MAPKAPK2: variants seen among roughly 807,000 people sequenced by gnomAD.
MAPKAPK2 encodes MAP kinase-activated protein kinase 2.
In MAPKAPK2, 9 loss-of-function variants were observed where a neutral mutation model predicts 48.8. That is an observed-to-expected ratio of 0.18 (90% CI 0.11 to 0.32). The LOEUF is 0.32. Ranked by LOEUF, MAPKAPK2 falls within the 10% of genes least tolerant of loss-of-function variation. MAPKAPK2 has a pLI of 1.00. For missense variants in MAPKAPK2, 331 were observed against 498.3 expected (o/e 0.66, Z 3.20); for synonymous variants, 202 against 190.6 (o/e 1.06, Z -0.49).
At chr1:206,694,916 GA>G (rs1672568346) in intron 1 of MAPKAPK2, among the ~76,000 whole-genome samples, 1 of 152,216 alleles carries the variant, frequency 6.6e-6, no homozygotes, top group African/African-American at 2.4e-5. Flanking sequence ...ACCTGCCCTG[GA>G]AACACTTGCG....
rs368883693 is a variant in MAPKAPK2 at position 206,722,924 on chromosome 1, G to A, written c.280-5786G>A. ...GTGGGTGGCCCTGGCCTGGAGGCAC[G>A]GTGGGTTAGTGTGTGACACACGTGG... is the stretch of plus-strand genomic sequence containing the variant. On this transcript the variant is annotated intron_variant, in intron 1 of 9. Transcript: ENST00000367103. 4.2e-4 allele frequency among the ~76,000 whole-genome samples: 64 copies of A among 152,378 alleles called. 1 individual carries two copies. In the South Asian group the frequency reaches 0.013, roughly 30 times the overall value.
intron 1 of MAPKAPK2, among the ~76,000 whole-genome samples, chr1:206,703,189 A>G (rs982093646): frequency 6.6e-6 from 1 of 152,236 alleles, no homozygotes. Flanking sequence ...TTAGCAGCTG[A>G]TAATTAACAG....
At chr1:206,730,856 C>G in intron 6 of MAPKAPK2, 93 bp downstream of exon 6, 1 of 1,377,700 alleles carries the variant, frequency 7.3e-7, no homozygotes, top group Non-Finnish European at 1.0e-6. Flanking sequence ...GTTAGCATTC[C>G]CCTTTGTACA....
intron 1 of MAPKAPK2, among the ~76,000 whole-genome samples, chr1:206,698,738 T>G (rs1192305937): frequency 1.3e-5 from 2 of 152,230 alleles, no homozygotes; most frequent in Non-Finnish European, 2.9e-5. Context: ...GAATAATTCC[T>G]TAGCAATTAT....
chr1:206,713,226 G>A (rs1051714135), intron 1 of MAPKAPK2, among the ~76,000 whole-genome samples: 2 of 152,136 alleles, frequency 1.3e-5, no homozygotes, highest in African/African-American at 4.8e-5. Context: ...AGAGTCTGTG[G>A]GCACAGAGAG....
intron 1 of MAPKAPK2, among the ~76,000 whole-genome samples, chr1:206,710,156 C>T (rs537257967): frequency 3.3e-5 from 5 of 152,300 alleles, no homozygotes; most frequent in Admixed American, 6.5e-5. Context: ...CATCAGTCCT[C>T]GAAGAATTTG....
chr1:206,700,844 C>T (rs1264125499), intron 1 of MAPKAPK2, among the ~76,000 whole-genome samples: 5 of 152,182 alleles, frequency 3.3e-5, no homozygotes, highest in South Asian at 2.1e-4. Flanking sequence ...TGTAGGTCAT[C>T]CCTGAGAACG....
intron 2 of MAPKAPK2, 23 bp downstream of exon 2, chr1:206,728,872 C>A: frequency 6.2e-7 from 1 of 1,613,026 alleles, no homozygotes; most frequent in South Asian, 1.1e-5. Flanking sequence ...TGTTCTAGTC[C>A]CGGCCCAGCC....
Position 206,732,392 on chromosome 1 carries a change from C to T in MAPKAPK2, c.1060-183C>T, listed in dbSNP as rs116286581. 836 of 1,453,682 alleles carry T rather than the reference C, an allele frequency of 5.8e-4. 1 individual carries two copies. In the African/African-American group the frequency reaches 0.011, roughly 19 times the overall value. 90.0% of individuals were successfully genotyped at this position (1,453,682 alleles called of 1,614,324 possible). The stretch of plus-strand genomic sequence containing the variant: ...CATAGCCAGGCTCTCTGCTGCCCAG[C>T]GCTGGGGTGAGGCTGCCGTTGTCAG... On this transcript the variant is annotated intron_variant, in intron 9 of 9. Transcript: ENST00000367103. The surrounding 1 kb of genome is among the most constrained non-coding windows in gnomAD (Gnocchi z 4.4).
chr1:206,706,329 G>C lies in MAPKAPK2; in HGVS notation c.279+20821G>C, dbSNP rs143327100. On this transcript the variant is annotated intron_variant, in intron 1 of 9. Coordinates refer to ENST00000367103, the MANE Select transcript of MAPKAPK2 (RefSeq NM_032960.4). The stretch of plus-strand genomic sequence containing the variant: ...GAGACCCAGAGTCACTCAGATGGGG[G>C]AGGAGCAAAGCCAGTCCCTCTGATC... 3.0e-3 allele frequency among the ~76,000 whole-genome samples: 452 copies of C among 152,152 alleles called. 4 individuals are homozygous for C. The highest frequency in any genetic ancestry group is 0.01 in the African/African-American group (426 of 41,502).
intron 1 of MAPKAPK2, among the ~76,000 whole-genome samples, chr1:206,692,456 C>G (rs928348603): frequency 6.6e-6 from 1 of 152,208 alleles, no homozygotes; most frequent in Non-Finnish European, 1.5e-5. Flanking sequence ...CCTGCCCATG[C>G]AAGGCTAGAG....
intron 1 of MAPKAPK2, among the ~76,000 whole-genome samples, chr1:206,727,169 T>G (rs1347874491): frequency 1.3e-5 from 2 of 152,208 alleles, no homozygotes; most frequent in African/African-American, 4.8e-5. Context: ...CTTGTCTTAA[T>G]TATTTTGGCA....
chr1:206,692,728 G>T (rs1329600135), intron 1 of MAPKAPK2, among the ~76,000 whole-genome samples: 2 of 152,168 alleles, frequency 1.3e-5, no homozygotes, highest in African/African-American at 4.8e-5. Flanking sequence ...CGCTCATTCT[G>T]CTGGGAACCT....
intron 1 of MAPKAPK2, among the ~76,000 whole-genome samples, chr1:206,724,094 G>A (rs782323832): frequency 8.5e-5 from 13 of 152,218 alleles, no homozygotes; most frequent in Non-Finnish European, 1.5e-4. Context: ...TGGCTTTTTA[G>A]TGGGAAGACC....
rs1471242337 is a variant in MAPKAPK2, at chr1:206,685,217, G to A, written c.-13G>A. On this transcript the variant is annotated 5_prime_UTR_variant, in exon 1 of 10. Coordinates refer to ENST00000367103, the MANE Select transcript of MAPKAPK2 (RefSeq NM_032960.4). The stretch of plus-strand genomic sequence containing the variant: ...CGGGCACCCCCGCCTGTGCCCCGGC[G>A]TCCCCGGGCACCATGCTGTCCAACT... The A allele has an allele frequency of 5.1e-6, 2 of 390,462 alleles. No individual in the cohort carries two copies. Among genetic ancestry groups the A allele is most frequent in the African/African-American group, 2.2e-5 (1 of 45,296 alleles). The allele number at this position is 390,462 out of a possible 1,614,324, so 24.2% of individuals were successfully genotyped here.
intron 1 of MAPKAPK2, among the ~76,000 whole-genome samples, chr1:206,691,482 G>GATACATATATATATATAT (rs371759587): frequency 1.3e-5 from 1 of 77,294 alleles, no homozygotes; most frequent in Admixed American, 1.3e-4. Flanking sequence ...TGTATTTTAA[G>GATACATATATATATATAT]ATATATATAT....
At chr1:206,717,689 CT>C in intron 1 of MAPKAPK2, among the ~76,000 whole-genome samples, 1 of 152,224 alleles carries the variant, frequency 6.6e-6, no homozygotes, top group Non-Finnish European at 1.5e-5. Flanking sequence ...TCTCCTGCCT[CT>C]AGCAGGAAGG....
intron 1 of MAPKAPK2, among the ~76,000 whole-genome samples, chr1:206,723,038 G>T (rs1673582334): frequency 6.6e-6 from 1 of 152,216 alleles, no homozygotes; most frequent in African/African-American, 2.4e-5. Context: ...CAACACACTT[G>T]GTGCCAGAAT....
intron 1 of MAPKAPK2, among the ~76,000 whole-genome samples, chr1:206,692,240 A>G (rs1391496948): frequency 1.3e-5 from 2 of 152,186 alleles, no homozygotes; most frequent in East Asian, 1.9e-4. Context: ...AGTGCCTTCT[A>G]ATTCACCAAA....
Sources: gnomAD v4.1 joint callset for allele counts (sites outside exome capture counted in the v4.1 genomes callset) on GRCh38, gnomAD v4.1.1 for gene constraint, Gnocchi (gnomAD v3.1) non-coding constraint, MANE v1.5 for transcripts, NCBI Gene and HGNC (gene_info 2026-07-23, HGNC 2026-07-21) for gene names.